The following NALCN variants were observed in gnomAD, a reference collection of about 807,000 sequenced individuals.
NALCN encodes the protein sodium leak channel, non-selective.
Under a neutral mutation model 225.3 loss-of-function variants are expected in NALCN, and 111 were observed. That is an observed-to-expected ratio of 0.49 (90% confidence interval 0.42 to 0.58). The LOEUF (loss-of-function observed/expected upper bound fraction) is 0.58, where lower values mean the gene tolerates loss of function less well. Ranked by LOEUF, NALCN falls within the 20% of genes least tolerant of loss-of-function variation. The pLI is 0.00. For missense variants in NALCN, 1,378 were observed against 2,202.4 expected (o/e 0.63, Z 7.49); for synonymous variants, 764 against 769.0 (o/e 0.99, Z 0.11).
chr13:101,336,980 C>T (rs558141230), intron 7 of NALCN, among the ~76,000 whole-genome samples: 3 of 152,274 alleles, frequency 2.0e-5, no homozygotes, highest in African/African-American at 7.2e-5. Context: ...TCCCACATCT[C>T]TAGCCATGAT....
intron 4 of NALCN, 68 bp downstream of exon 4, chr13:101,378,502 G>T: frequency 1.7e-6 from 2 of 1,194,784 alleles, no homozygotes; most frequent in Non-Finnish European, 2.4e-6. Flanking sequence ...TTTCTATTTA[G>T]ACTTTTAATG....
chr13:101,207,124 C>T (rs2040343966), intron 13 of NALCN, among the ~76,000 whole-genome samples: 1 of 152,024 alleles, frequency 6.6e-6, no homozygotes, highest in Admixed American at 6.6e-5. Flanking sequence ...TTTATAAATG[C>T]AATTAGAAGA....
intron 1 of NALCN, among the ~76,000 whole-genome samples, chr13:101,402,379 G>A (rs542903587): frequency 6.6e-5 from 10 of 152,304 alleles, no homozygotes; most frequent in African/African-American, 2.4e-4. Context: ...CATGTTCATT[G>A]CTGTTTTAAA....
At position 101,327,701 on chromosome 13, in the gene NALCN, C is replaced by T. The variant is rs567955348; in HGVS notation, c.799+17565G>A. On this transcript the variant is annotated intron_variant, in intron 7 of 43. Transcript: ENST00000251127. The stretch of plus-strand genomic sequence containing the variant: ...TCGAGTCAGGGAAAGAGGGCCAGAA[C>T]TGGATTTGTGAGAAATGGATTCTCA... 7.2e-5 allele frequency among the ~76,000 whole-genome samples: 11 copies of T among 151,950 alleles called. No individual in the cohort carries two copies. The East Asian group carries it at 9.7e-4, about 13-fold the overall frequency.
intron 9 of NALCN, among the ~76,000 whole-genome samples, chr13:101,288,115 G>A (rs573017753): frequency 2.6e-4 from 40 of 152,268 alleles, no homozygotes; most frequent in East Asian, 1.7e-3. Context: ...ATTTCATTAC[G>A]AAATAATATA....
rs2034078678 is a variant in NALCN at position 101,089,042 on chromosome 13, C to T, written c.3489+621G>A. On this transcript the variant is annotated intron_variant, in intron 30 of 43. Transcript: ENST00000251127. The surrounding 1 kb of genome is among the most constrained non-coding windows in gnomAD (Gnocchi z 4.7). ...CCAACCCAGTAGCTGGGATTACAGG[C>T]ATGCGCCACCACGCCCGGCTAATTT... Among the ~76,000 whole-genome samples the T allele has an allele frequency of 6.6e-6, 1 of 151,892 alleles. No individual in the cohort carries two copies.
At chr13:101,165,782 T>TA (rs1462905934) in intron 15 of NALCN, among the ~76,000 whole-genome samples, 2 of 152,236 alleles carry the variant, frequency 1.3e-5, no homozygotes, top group Non-Finnish European at 2.9e-5. Flanking sequence ...AGCCCCATCT[T>TA]AACCATTTTA....
chr13:101,245,166 C>A lies in NALCN; in HGVS notation c.1267-7244G>T, dbSNP rs565963944. Among the ~76,000 whole-genome samples the A allele has an allele frequency of 1.3e-5, 2 of 152,312 alleles. 1 individual carries two copies. Among genetic ancestry groups the A allele is most frequent in the Admixed American group, 1.3e-4 (2 of 15,296 alleles). ...GGCCCTCCTCAGTCTGCAGCCCCTG[C>A]ACCAAGAAGGGCTCATTGGGACCCT... is the stretch of plus-strand genomic sequence containing the variant. On this transcript the variant is annotated intron_variant, in intron 11 of 43. Coordinates refer to ENST00000251127, the MANE Select transcript of NALCN (RefSeq NM_052867.4).
At chr13:101,320,484 A>G (rs894461219) in intron 7 of NALCN, among the ~76,000 whole-genome samples, 4 of 152,216 alleles carry the variant, frequency 2.6e-5, no homozygotes, top group African/African-American at 9.6e-5. Context: ...GAGATGCTCA[A>G]TAATACTGCA....
intron 13 of NALCN, among the ~76,000 whole-genome samples, chr13:101,224,033 A>T (rs1044938070): frequency 6.6e-6 from 1 of 152,086 alleles, no homozygotes; most frequent in Non-Finnish European, 1.5e-5. Context: ...GATCATCCTT[A>T]CTACACCCAT....
At position 101,125,028 on chromosome 13, in the gene NALCN, T is replaced by C. The variant is rs181262247; in HGVS notation, c.2119-347A>G. Reference sequence around the variant, plus strand: ...GCGCAATGTTCTCTAATCCACATTATGTCTGCTGCAGGTTCTTGGCCTGTA... The same window carrying C: ...GCGCAATGTTCTCTAATCCACATTACGTCTGCTGCAGGTTCTTGGCCTGTA... On this transcript the variant is annotated intron_variant, in intron 17 of 43. Transcript: ENST00000251127. Among the ~76,000 whole-genome samples, 319 of 152,314 alleles carry C rather than the reference T, an allele frequency of 2.1e-3. 2 individuals are homozygous for C. Among genetic ancestry groups the C allele is most frequent in the Admixed American group, 1.9e-3 (29 of 15,306 alleles).
At chr13:101,300,780 C>T (rs1437134233) in intron 7 of NALCN, among the ~76,000 whole-genome samples, 3 of 152,184 alleles carry the variant, frequency 2.0e-5, no homozygotes, top group Admixed American at 1.3e-4. Context: ...CAAAATAAAG[C>T]AAAAACCACA....
intron 41 of NALCN, 61 bp from the exon 42 acceptor site, chr13:101,060,028 C>A: frequency 6.3e-7 from 1 of 1,583,302 alleles, no homozygotes. Context: ...GCCCCACCGC[C>A]ACACAAATCT....
chr13:101,247,428 T>C (rs2041930015), intron 11 of NALCN, among the ~76,000 whole-genome samples: 1 of 152,040 alleles, frequency 6.6e-6, no homozygotes. Context: ...GCAACTGCAA[T>C]ATCCCTAAGA....
At chr13:101,186,665 A>T (rs1251341228) in intron 14 of NALCN, among the ~76,000 whole-genome samples, 2 of 152,090 alleles carry the variant, frequency 1.3e-5, no homozygotes, top group Non-Finnish European at 2.9e-5. Flanking sequence ...AGAAATTTAA[A>T]AGTTTGAACA....
rs7336126 is a variant in NALCN at position 101,061,702 on chromosome 13, T to C, written c.4755+266A>G. Among the ~76,000 whole-genome samples, 27,954 of 152,096 alleles carry C rather than the reference T, an allele frequency of 0.18. 2,755 individuals carry two copies. The highest frequency in any genetic ancestry group is 0.22 in the Non-Finnish European group (15,232 of 67,988). ...CCTGGCCAATAAACTGCTTTTTAAG[T>C]CTTCATGTCATATTATAAAAATGGG... On this transcript the variant is annotated intron_variant, in intron 41 of 43. Transcript: ENST00000251127.
chr13:101,125,704 A>G lies in NALCN; in HGVS notation c.2119-1023T>C, dbSNP rs116810587. Among the ~76,000 whole-genome samples the G allele has an allele frequency of 6.3e-3, 952 of 152,306 alleles. 8 individuals are homozygous for G. Among genetic ancestry groups the G allele is most frequent in the African/African-American group, 0.015 (627 of 41,584 alleles). ...GGGCTGGAGCTCTCTGCGGTGGAAC[A>G]GCAAGTCTGGACTAGTCGGCAAAGG... On this transcript the variant is annotated intron_variant, in intron 17 of 43. Transcript: ENST00000251127.
At chr13:101,119,001 T>C (rs1323121313) in intron 18 of NALCN, among the ~76,000 whole-genome samples, 1 of 152,208 alleles carries the variant, frequency 6.6e-6, no homozygotes, top group Non-Finnish European at 1.5e-5. Flanking sequence ...GCTGAATAGC[T>C]GGCTAACCTA....
At chr13:101,259,395 G>T (rs367970883) in intron 10 of NALCN, among the ~76,000 whole-genome samples, 15 of 151,976 alleles carry the variant, frequency 9.9e-5, no homozygotes, top group Admixed American at 7.9e-4. Flanking sequence ...GTGCAGTGGC[G>T]TGATCTTGGC....
Sources: allele counts gnomAD v4.1 joint callset (sites outside exome capture counted in the v4.1 genomes callset), GRCh38; gene constraint gnomAD v4.1.1; non-coding constraint Gnocchi (gnomAD v3.1); transcripts MANE v1.5; gene names NCBI Gene and HGNC (gene_info 2026-07-23, HGNC 2026-07-21).